Variants in FGF1 observed in about 807,000 individuals in gnomAD.
FGF1 encodes fibroblast growth factor 1.
In FGF1, 9 loss-of-function variants were observed where a neutral mutation model predicts 13.4. The observed-to-expected ratio is 0.67, with a 90% CI of 0.40 to 1.17. The LOEUF is 1.17. FGF1 is among the 50% of genes most tolerant of loss of function. The pLI is 0.01. For synonymous variants in FGF1, 93 were observed against 79.0 expected, an observed-to-expected ratio of 1.18 and a Z score of -0.94; for missense variants, 156 against 192.7, an observed-to-expected ratio of 0.81 and a Z score of 1.13.
At chr5:142,694,762 G>A (rs1040930632) in intron 2 of FGF1, among the ~76,000 whole-genome samples, 7 of 152,078 alleles carry the variant, frequency 4.6e-5, no homozygotes, top group African/African-American at 9.7e-5. Flanking sequence ...CCCTACCCCC[G>A]TTTAATTAAA....
At chr5:142,611,797 T>C (rs943257153) in intron 2 of FGF1, among the ~76,000 whole-genome samples, 1 of 152,200 alleles carries the variant, frequency 6.6e-6, no homozygotes, top group Non-Finnish European at 1.5e-5. Flanking sequence ...AGCCTGCATC[T>C]AGCCCCTTGA....
chr5:142,643,676 T>A (rs1182817659), intron 1 of FGF1, among the ~76,000 whole-genome samples: 1 of 152,224 alleles, frequency 6.6e-6, no homozygotes. Context: ...GAATCAGGCT[T>A]CCTTCCGATC....
intron 1 of FGF1, among the ~76,000 whole-genome samples, chr5:142,623,847 C>G (rs1366537328): frequency 6.6e-6 from 1 of 151,030 alleles, no homozygotes; most frequent in Admixed American, 6.6e-5. Context: ...TTCCTGGGCT[C>G]AAGCGATCCT....
chr5:142,682,669 TAAAAA>T (rs1465487975), intron 1 of FGF1, among the ~76,000 whole-genome samples: 1 of 152,140 alleles, frequency 6.6e-6, no homozygotes, highest in Non-Finnish European at 1.5e-5. Flanking sequence ...ATTTAATTAT[TAAAAA>T]GGAAAGGGGA....
intron 2 of FGF1, among the ~76,000 whole-genome samples, chr5:142,609,563 CT>C (rs1195538676): frequency 1.3e-5 from 2 of 152,166 alleles, no homozygotes; most frequent in Non-Finnish European, 2.9e-5. Flanking sequence ...CATTATGCCT[CT>C]GTGTCAGGCC....
At chr5:142,662,348 G>A (rs566546553) in intron 1 of FGF1, among the ~76,000 whole-genome samples, 1 of 152,256 alleles carries the variant, frequency 6.6e-6, no homozygotes, top group Admixed American at 6.5e-5. Context: ...AGCTCTCTTG[G>A]AGCAAATGTG....
intron 1 of FGF1, among the ~76,000 whole-genome samples, chr5:142,617,570 G>A (rs1338964368): frequency 2.0e-5 from 3 of 152,208 alleles, no homozygotes; most frequent in South Asian, 4.2e-4. Context: ...TCCCCTCAGT[G>A]AGAGGGAGCA....
chr5:142,637,706 G>A (rs953684244), intron 1 of FGF1, among the ~76,000 whole-genome samples: 21 of 152,006 alleles, frequency 1.4e-4, no homozygotes, highest in Admixed American at 4.6e-4. Context: ...CAGGACTGTC[G>A]TCCCTGCTCT....
At chr5:142,619,191 C>T (rs1475946446) in intron 1 of FGF1, among the ~76,000 whole-genome samples, 1 of 152,122 alleles carries the variant, frequency 6.6e-6, no homozygotes, top group East Asian at 1.9e-4. Flanking sequence ...GCCTCAGCCT[C>T]CCAAAGTGCT....
At chr5:142,603,901 A>G (rs1381379346) in intron 2 of FGF1, among the ~76,000 whole-genome samples, 1 of 152,230 alleles carries the variant, frequency 6.6e-6, no homozygotes, top group Non-Finnish European at 1.5e-5. Context: ...GCAAGTAGAT[A>G]CATGGAATGC....
At chr5:142,691,063 T>C (rs111712836), upstream of FGF1, among the ~76,000 whole-genome samples, 15 of 152,244 alleles carry the variant, frequency 9.9e-5, 1 homozygote, top group African/African-American at 3.6e-4. Flanking sequence ...ACTGTCTTTT[T>C]ACATCTCCCA....
chr5:142,605,370 C>G (rs543885324), intron 2 of FGF1, among the ~76,000 whole-genome samples: 2 of 152,090 alleles, frequency 1.3e-5, no homozygotes, highest in African/African-American at 4.8e-5. Flanking sequence ...ATCCACCCCC[C>G]TCGGCCTCCC....
At position 142,694,034 on chromosome 5, in the gene FGF1, T is replaced by A. The variant is rs373908268; in HGVS notation, c.-35+3588A>T. On this transcript the variant is annotated intron_variant, in intron 2 of 4. Coordinates refer to the FGF1 transcript ENST00000407758. ...TTTCTCTTGGGTCTAGCAGTGTTTTTTTTTTCTCTTAAAGATTTACCCGAA... is the reference window on the plus strand; with the variant it reads ...TTTCTCTTGGGTCTAGCAGTGTTTTATTTTTCTCTTAAAGATTTACCCGAA... 3.0e-4 allele frequency among the ~76,000 whole-genome samples: 46 copies of A among 152,200 alleles called. 1 individual carries two copies. The highest frequency in any genetic ancestry group is 2.1e-3 in the East Asian group (11 of 5,186).
upstream of FGF1, among the ~76,000 whole-genome samples, chr5:142,689,328 A>G (rs1411983101): frequency 1.3e-5 from 2 of 152,184 alleles, no homozygotes; most frequent in Admixed American, 6.5e-5. Context: ...TTTATGCCCA[A>G]TGAGGCAGTT....
chr5:142,609,395 T>TGTTGC lies in FGF1; in HGVS notation c.169+4563_169+4564insGCAAC, dbSNP rs569586774. Among the ~76,000 whole-genome samples the TGTTGC allele has an allele frequency of 2.9e-3, 440 of 152,318 alleles. 1 individual carries two copies. The highest frequency in any genetic ancestry group is 4.6e-3 in the Admixed American group (71 of 15,310). ...GAATGCTTGTGAGGAAATTATTCTC[T>TGTTGC]AATTATTGTTGCAGTTATTAATCCC... On this transcript the variant is annotated intron_variant, in intron 2 of 3. Transcript: ENST00000337706.
At chr5:142,665,353 A>C (rs1397420686) in intron 1 of FGF1, among the ~76,000 whole-genome samples, 21 of 122,752 alleles carry the variant, frequency 1.7e-4, no homozygotes, top group South Asian at 7.9e-4. Flanking sequence ...CCCCTGTCCC[A>C]CTCCCCTCCT....
chr5:142,669,559 G>A (rs928476956), intron 1 of FGF1, among the ~76,000 whole-genome samples: 1 of 152,220 alleles, frequency 6.6e-6, no homozygotes, highest in Non-Finnish European at 1.5e-5. Flanking sequence ...GGTGACTCGG[G>A]CATAGAGGGA....
intron 2 of FGF1, among the ~76,000 whole-genome samples, chr5:142,606,257 T>G (rs1487150914): frequency 6.6e-6 from 1 of 151,182 alleles, no homozygotes; most frequent in Non-Finnish European, 1.5e-5. Context: ...TGTAGTTTTT[T>G]TTTTTAATCC....
At chr5:142,620,218 C>T (rs1761264112) in intron 1 of FGF1, among the ~76,000 whole-genome samples, 2 of 152,062 alleles carry the variant, frequency 1.3e-5, no homozygotes, top group Admixed American at 1.3e-4. Flanking sequence ...GAGATCGAGA[C>T]CATCCTGGCT....
Sources: allele counts gnomAD v4.1 joint callset (sites outside exome capture counted in the v4.1 genomes callset), GRCh38; gene constraint gnomAD v4.1.1; transcripts MANE v1.5; gene names NCBI Gene and HGNC (gene_info 2026-07-23, HGNC 2026-07-21).